Variants in PGP observed in about 807,000 individuals in gnomAD.
PGP encodes the protein aspartate-based ubiquitous Mg(2+)-dependent phosphatase.
Under a neutral mutation model 19.3 loss-of-function variants are expected in PGP, and 9 were observed. That is an observed-to-expected ratio of 0.47 (90% confidence interval 0.28 to 0.81). The LOEUF is 0.81. PGP is among the 40% of genes least tolerant of loss of function. The probability of loss-of-function intolerance (pLI) is 0.11; values close to 1 mark genes in which losing one functional copy is unlikely to be tolerated. For missense variants in PGP, 403 were observed against 479.9 expected (o/e 0.84, Z 1.50); for synonymous variants, 308 against 226.8 (o/e 1.36, Z -3.22).
rs547724581 is a variant in PGP at position 2,213,421 on chromosome 16, C to T, written c.*307G>A. On this transcript the variant is annotated 3_prime_UTR_variant, in exon 2 of 2. Transcript: ENST00000333503. ...ACCCCTAGACCCGCCTCAGTCCCAT[C>T]GGCAGGCCCTGGTTACCTGAATCCC... 2.1e-6 allele frequency: 2 copies of T among 974,836 alleles called. No individual in the cohort carries two copies. The highest frequency in any genetic ancestry group is 3.4e-5 in the African/African-American group (2 of 57,978). 60.4% of individuals were successfully genotyped at this position (974,836 alleles called of 1,614,324 possible). A position where few individuals can be genotyped will look rare whatever the true frequency, so the allele number is the denominator to read the frequency against.
At position 2,212,740 on chromosome 16, in the gene PGP, C is replaced by A; in HGVS notation, c.*988G>T. 2 of 985,424 alleles carry A rather than the reference C, an allele frequency of 2.0e-6. No individual in the cohort carries two copies. Among genetic ancestry groups the A allele is most frequent in the Non-Finnish European group, 2.4e-6 (2 of 829,906 alleles). The allele number at this position is 985,424 out of a possible 1,614,324, so 61.0% of individuals were successfully genotyped here. On this transcript the variant is annotated 3_prime_UTR_variant, in exon 2 of 2. Transcript: ENST00000333503. ...TTCCTTGGCCAACACATGCTTGAGC[C>A]GCGCTGCTGGCTGCAGGGCACCTGG...
rs1437825244 is a variant in PGP at position 2,214,769 on chromosome 16, C to T, written c.9G>A (p.Ala3=). ...GGGCGTCGTCGCCACCGGCCTCCGC[C>T]GCCGCCATCGCCGCCCGCCGGCCGC... The part of the protein sequence containing the change: MA[A]AEAGGDDARC... The change falls in exon 1 of 2, where the codon GCG becomes GCA. Residue 3 remains alanine, a synonymous_variant. Coordinates refer to ENST00000333503, the MANE Select transcript of PGP (RefSeq NM_001042371.3). This position sits in a 1 kb window ranked among gnomAD's most constrained non-coding sequence, Gnocchi z 7.1. The T allele has an allele frequency of 8.6e-6, 9 of 1,049,272 alleles. No homozygotes were observed. The East Asian group carries it at 4.3e-4, about 50-fold the overall frequency. The allele number at this position is 1,049,272 out of a possible 1,614,324, so 65.0% of individuals were successfully genotyped here. A position where few individuals can be genotyped will look rare whatever the true frequency, so the allele number is the denominator to read the frequency against.
Position 2,213,521 on chromosome 16 carries a change from A to G in PGP, c.*207T>C. 1 of 674,222 alleles carries G rather than the reference A, an allele frequency of 1.5e-6. No individual in the cohort carries two copies. The highest frequency in any genetic ancestry group is 3.5e-5 in the East Asian group (1 of 28,798). 41.8% of individuals were successfully genotyped at this position (674,222 alleles called of 1,614,324 possible). A position where few individuals can be genotyped will look rare whatever the true frequency, so the allele number is the denominator to read the frequency against. ...CAGCCCACAACGCCTTCCAAGCCTA[A>G]AAGTGCATCTTCGATTACAAGCATC... On this transcript the variant is annotated 3_prime_UTR_variant, in exon 2 of 2. Transcript: ENST00000333503.
At position 2,214,170 on chromosome 16, in the gene PGP, C is replaced by T. The variant is rs766740031; in HGVS notation, c.608G>A (p.Arg203Gln). The T allele has an allele frequency of 2.5e-6, 4 of 1,595,108 alleles. No individual in the cohort carries two copies. Among genetic ancestry groups the T allele is most frequent in the Non-Finnish European group, 8.5e-7 (1 of 1,178,944 alleles). Residue 203 changes from arginine (R) to glutamine (Q), a missense_variant, in exon 1 of 2, where the codon CGG becomes CAG. Arg to Gln is a conservative substitution (Grantham distance 43). Coordinates refer to ENST00000333503, the MANE Select transcript of PGP (RefSeq NM_001042371.3). This position sits in a 1 kb window ranked among gnomAD's most constrained non-coding sequence, Gnocchi z 7.1. The part of the protein sequence containing the change: ...CLLVGTNMDN[R>Q]LPLENGRFIA... The stretch of plus-strand genomic sequence containing the variant: ...GAAGCGGCCGTTCTCAAGCGGAAGC[C>T]GGTTGTCCATGTTGGTGCCCACGAG...
In PGP at chr16:2,214,835, G is replaced by A; in HGVS notation, c.-58C>T. ...GCTCCTCGCAGCCGCCCGCCGCGGC[G>A]CCCTCCCCGCCCCCGGGGCGCTCAT... On this transcript the variant is annotated 5_prime_UTR_variant, in exon 1 of 2. Coordinates refer to ENST00000333503, the MANE Select transcript of PGP (RefSeq NM_001042371.3). The surrounding 1 kb of genome is among the most constrained non-coding windows in gnomAD (Gnocchi z 7.1). 8.9e-6 allele frequency: 5 copies of A among 563,316 alleles called. No individual in the cohort carries two copies. Among genetic ancestry groups the A allele is most frequent in the Non-Finnish European group, 1.1e-5 (5 of 445,758 alleles). 34.9% of individuals were successfully genotyped at this position (563,316 alleles called of 1,614,324 possible).
At position 2,212,290 on chromosome 16, in the gene PGP, G is replaced by A. The variant is rs934711990; in HGVS notation, c.*1438C>T. On this transcript the variant is annotated 3_prime_UTR_variant, in exon 2 of 2. Transcript: ENST00000333503. ...GGCCTGGGAGGTGCTGAAGGCTCAG[G>A]ACGCCTCTTATTGCTCTGAAGTCTT... 1.1e-5 allele frequency: 11 copies of A among 985,882 alleles called. No homozygotes were observed. The African/African-American group carries it at 1.7e-4, about 16-fold the overall frequency. 61.1% of individuals were successfully genotyped at this position (985,882 alleles called of 1,614,324 possible).
In PGP at chr16:2,214,094, G is replaced by GGGGGGGGCCCCCC; in HGVS notation, c.641-42_641-41insGGGGGGCCCCCCC. 1.3e-6 allele frequency: 2 copies of GGGGGGGGCCCCCC among 1,544,860 alleles called. No individual in the cohort carries two copies. Among genetic ancestry groups the GGGGGGGGCCCCCC allele is most frequent in the East Asian group, 2.4e-5 (1 of 42,276 alleles). Reference sequence around the variant, plus strand: ...GACCGGGTCAAAGGGCAGGGAGGGGGCCCGCCGCCCGCCCCCCAGCCTCCC... The same window carrying GGGGGGGGCCCCCC: ...GACCGGGTCAAAGGGCAGGGAGGGGGGGGGGGGCCCCCCCCCGCCGCCCGCCCCCCAGCCTCCC... On this transcript the variant is annotated intron_variant, in intron 1 of 1. Coordinates refer to ENST00000333503, the MANE Select transcript of PGP (RefSeq NM_001042371.3). This position sits in a 1 kb window ranked among gnomAD's most constrained non-coding sequence, Gnocchi z 7.1.
chr16:2,214,756 C>T lies in PGP; in HGVS notation c.22G>A (p.Gly8Ser). The stretch of plus-strand genomic sequence containing the variant: ...AGCCGCACGCAGCGGGCGTCGTCGC[C>T]ACCGGCCTCCGCCGCCGCCATCGCC... MAAAEAGGDDARCVRLSA... is the reference protein window; with the variant it reads MAAAEAGSDDARCVRLSA... Residue 8 changes from glycine to serine, a missense_variant, in exon 1 of 2, where the codon GGC becomes AGC. Gly to Ser is a moderately conservative substitution (Grantham distance 56). Transcript: ENST00000333503. This position sits in a 1 kb window ranked among gnomAD's most constrained non-coding sequence, Gnocchi z 7.1. 8.6e-7 allele frequency: 1 copy of T among 1,159,360 alleles called. No homozygotes were observed. Among genetic ancestry groups the T allele is most frequent in the Non-Finnish European group, 1.1e-6 (1 of 940,652 alleles). The allele number at this position is 1,159,360 out of a possible 1,614,324, so 71.8% of individuals were successfully genotyped here.
chr16:2,214,542 T>C lies in PGP; in HGVS notation c.236A>G (p.Glu79Gly). Residue 79 changes from glutamate (E) to glycine (G), a missense_variant, in exon 1 of 2, where the codon GAG becomes GGG. Physicochemically the swap from Glu to Gly is moderately conservative, Grantham distance 98. Transcript: ENST00000333503. The surrounding 1 kb of genome is among the most constrained non-coding windows in gnomAD (Gnocchi z 7.1). ...GCCGAAGCCCAGGCGCCGCAGCTTC[T>C]CGGCGTAGGCAGCGCGGGTCTTGCT... ...NSSKTRAAYAEKLRRLGFGGP... is the reference protein window; with the variant it reads ...NSSKTRAAYAGKLRRLGFGGP... The C allele has an allele frequency of 2.1e-6, 3 of 1,455,386 alleles. No homozygotes were observed. The highest frequency in any genetic ancestry group is 2.7e-6 in the Non-Finnish European group (3 of 1,106,842). 90.2% of individuals were successfully genotyped at this position (1,455,386 alleles called of 1,614,324 possible).
rs1036270669 is a variant in PGP, at chr16:2,211,753, C to T, written c.*1975G>A. ...TCTGAGCTCTGCTCCCTGCCCTGGG[C>T]GCTCTGACACGGCAGCCCACCAGCT... is the stretch of plus-strand genomic sequence containing the variant. On this transcript the variant is annotated 3_prime_UTR_variant, in exon 2 of 2. Coordinates refer to ENST00000333503, the MANE Select transcript of PGP (RefSeq NM_001042371.3). The T allele has an allele frequency of 1.3e-5, 13 of 985,542 alleles. No homozygotes were observed. Among genetic ancestry groups the T allele is most frequent in the South Asian group, 4.7e-5 (1 of 21,296 alleles). 61.0% of individuals were successfully genotyped at this position (985,542 alleles called of 1,614,324 possible). A position where few individuals can be genotyped will look rare whatever the true frequency, so the allele number is the denominator to read the frequency against.
chr16:2,213,440 G>T lies in PGP; in HGVS notation c.*288C>A. 1 of 890,968 alleles carries T rather than the reference G, an allele frequency of 1.1e-6. No individual in the cohort carries two copies. Among genetic ancestry groups the T allele is most frequent in the Non-Finnish European group, 1.4e-6 (1 of 705,534 alleles). The allele number at this position is 890,968 out of a possible 1,614,324, so 55.2% of individuals were successfully genotyped here. A position where few individuals can be genotyped will look rare whatever the true frequency, so the allele number is the denominator to read the frequency against. ...TCCCATCGGCAGGCCCTGGTTACCT[G>T]AATCCCGGACAGGTGCAGAGCCTGC... On this transcript the variant is annotated 3_prime_UTR_variant, in exon 2 of 2. Transcript: ENST00000333503.
Position 2,214,553 on chromosome 16 carries a change from A to G in PGP, c.225T>C (p.Ala75=). ...GGCGCCGCAGCTTCTCGGCGTAGGC[A>G]GCGCGGGTCTTGCTGCTGTTGTTGG... is the stretch of plus-strand genomic sequence containing the variant. ...FITNNSSKTR[A]AYAEKLRRLG... Residue 75 remains alanine, a synonymous_variant, in exon 1 of 2, where the codon GCT becomes GCC. Coordinates refer to ENST00000333503, the MANE Select transcript of PGP (RefSeq NM_001042371.3). This position sits in a 1 kb window ranked among gnomAD's most constrained non-coding sequence, Gnocchi z 7.1. 4 of 1,461,820 alleles carry G rather than the reference A, an allele frequency of 2.7e-6. No homozygotes were observed. Among genetic ancestry groups the G allele is most frequent in the Middle Eastern group, 2.0e-4 (1 of 4,974 alleles). 90.6% of individuals were successfully genotyped at this position (1,461,820 alleles called of 1,614,324 possible). A position where few individuals can be genotyped will look rare whatever the true frequency, so the allele number is the denominator to read the frequency against.
Position 2,214,559 on chromosome 16 carries a change from G to T in PGP, c.219C>A (p.Thr73=). The T allele has an allele frequency of 6.8e-7, 1 of 1,466,744 alleles. No homozygotes were observed. Among genetic ancestry groups the T allele is most frequent in the East Asian group, 3.0e-5 (1 of 33,758 alleles). 90.9% of individuals were successfully genotyped at this position (1,466,744 alleles called of 1,614,324 possible). ...LGFITNNSSK[T]RAAYAEKLRR... ...GCAGCTTCTCGGCGTAGGCAGCGCG[G>T]GTCTTGCTGCTGTTGTTGGTGATGA... The change falls in exon 1 of 2, where the codon ACC becomes ACA. Residue 73 remains threonine, a synonymous_variant. Transcript: ENST00000333503. The surrounding 1 kb of genome is among the most constrained non-coding windows in gnomAD (Gnocchi z 7.1).
At position 2,214,598 on chromosome 16, in the gene PGP, G is replaced by A. The variant is rs1185006843; in HGVS notation, c.180C>T (p.Gly60=). 2.7e-6 allele frequency: 4 copies of A among 1,467,556 alleles called. No individual in the cohort carries two copies. Among genetic ancestry groups the A allele is most frequent in the Non-Finnish European group, 3.6e-6 (4 of 1,113,904 alleles). The allele number at this position is 1,467,556 out of a possible 1,614,324, so 90.9% of individuals were successfully genotyped here. A position where few individuals can be genotyped will look rare whatever the true frequency, so the allele number is the denominator to read the frequency against. The change falls in exon 1 of 2, where the codon GGC becomes GGT. Residue 60 remains glycine (G), a synonymous_variant. Coordinates refer to ENST00000333503, the MANE Select transcript of PGP (RefSeq NM_001042371.3). The surrounding 1 kb of genome is among the most constrained non-coding windows in gnomAD (Gnocchi z 7.1). ...PEALRALRAR[G]KRLGFITNNS... ...TGTTGGTGATGAAGCCCAGGCGCTT[G>A]CCGCGGGCTCGCAGCGCCCGCAGGG... is the stretch of plus-strand genomic sequence containing the variant.
In PGP at chr16:2,213,888, C is replaced by T; in HGVS notation, c.806G>A (p.Gly269Asp). The T allele has an allele frequency of 6.2e-7, 1 of 1,613,238 alleles. No homozygotes were observed. The highest frequency in any genetic ancestry group is 8.5e-7 in the Non-Finnish European group (1 of 1,179,500). ...GATGGTCTTCAGGCCACAGGTGGCG[C>T]CTAGGAGGATGTCTGTGTCCAGGCG... The part of the protein sequence containing the change: ...GDRLDTDILL[G>D]ATCGLKTILT... The change falls in exon 2 of 2, where the codon GGC becomes GAC. Residue 269 changes from glycine (G) to aspartate (D), a missense_variant. Gly to Asp is a moderately conservative substitution (Grantham distance 94). Transcript: ENST00000333503.
Position 2,212,800 on chromosome 16 carries a change from C to CCGCG in PGP, c.*924_*927dup. Reference sequence around the variant, plus strand: ...ATTCCTTGGCCAACACATGCTTCAGCCGCGCTGCCGGCTGCAGGGCACAGA... The same window carrying CCGCG: ...ATTCCTTGGCCAACACATGCTTCAGCCGCGCGCGCTGCCGGCTGCAGGGCACAGA... On this transcript the variant is annotated 3_prime_UTR_variant, in exon 2 of 2. Transcript: ENST00000333503. 1 of 985,518 alleles carries CCGCG rather than the reference C, an allele frequency of 1.0e-6. No homozygotes were observed. Among genetic ancestry groups the CCGCG allele is most frequent in the South Asian group, 4.7e-5 (1 of 21,296 alleles). 61.0% of individuals were successfully genotyped at this position (985,518 alleles called of 1,614,324 possible).
In PGP at chr16:2,214,093, G is replaced by T. The variant is rs1191259785; in HGVS notation, c.641-40C>A. 9 of 1,567,632 alleles carry T rather than the reference G, an allele frequency of 5.7e-6. No individual in the cohort carries two copies. Among genetic ancestry groups the T allele is most frequent in the Admixed American group, 1.8e-5 (1 of 55,654 alleles). On this transcript the variant is annotated intron_variant, in intron 1 of 1. Coordinates refer to ENST00000333503, the MANE Select transcript of PGP (RefSeq NM_001042371.3). The surrounding 1 kb of genome is among the most constrained non-coding windows in gnomAD (Gnocchi z 7.1). ...GGACCGGGTCAAAGGGCAGGGAGGGGGCCCGCCGCCCGCCCCCCAGCCTCC... is the reference window on the plus strand; with the variant it reads ...GGACCGGGTCAAAGGGCAGGGAGGGTGCCCGCCGCCCGCCCCCCAGCCTCC...
In PGP at chr16:2,214,618, G is replaced by A. The variant is rs1382523978; in HGVS notation, c.160C>T (p.Arg54Trp). 2.8e-6 allele frequency: 4 copies of A among 1,454,102 alleles called. No homozygotes were observed. Among genetic ancestry groups the A allele is most frequent in the South Asian group, 2.6e-5 (2 of 76,516 alleles). The allele number at this position is 1,454,102 out of a possible 1,614,324, so 90.1% of individuals were successfully genotyped here. ...TAVPGAPEAL[R>W]ALRARGKRLG... ...CGCTTGCCGCGGGCTCGCAGCGCCC[G>A]CAGGGCCTCGGGCGCGCCAGGCACG... The change falls in exon 1 of 2, where the codon CGG becomes TGG. Residue 54 changes from arginine (R) to tryptophan (W), a missense_variant. Physicochemically the swap from Arg to Trp is moderately radical, Grantham distance 101 (BLOSUM62 -3). Coordinates refer to ENST00000333503, the MANE Select transcript of PGP (RefSeq NM_001042371.3). This position sits in a 1 kb window ranked among gnomAD's most constrained non-coding sequence, Gnocchi z 7.1.
rs1326708388 is a variant in PGP, at chr16:2,214,819, A to T, written c.-42T>A. On this transcript the variant is annotated 5_prime_UTR_variant, in exon 1 of 2. Coordinates refer to ENST00000333503, the MANE Select transcript of PGP (RefSeq NM_001042371.3). The surrounding 1 kb of genome is among the most constrained non-coding windows in gnomAD (Gnocchi z 7.1). Reference sequence around the variant, plus strand: ...CCGCCGCCCGCCGGCCGCTCCTCGCAGCCGCCCGCCGCGGCGCCCTCCCCG... The same window carrying T: ...CCGCCGCCCGCCGGCCGCTCCTCGCTGCCGCCCGCCGCGGCGCCCTCCCCG... 9 of 740,178 alleles carry T rather than the reference A, an allele frequency of 1.2e-5. No individual in the cohort carries two copies. In the South Asian group the frequency reaches 2.9e-4, roughly 24 times the overall value. 45.9% of individuals were successfully genotyped at this position (740,178 alleles called of 1,614,324 possible). A position where few individuals can be genotyped will look rare whatever the true frequency, so the allele number is the denominator to read the frequency against.
Sources: allele counts gnomAD v4.1 joint callset, GRCh38; gene constraint gnomAD v4.1.1; non-coding constraint Gnocchi (gnomAD v3.1); transcripts MANE v1.5; gene names NCBI Gene and HGNC (gene_info 2026-07-23, HGNC 2026-07-21).